The following CD44 variants were observed in gnomAD, a reference collection of about 807,000 sequenced individuals.
The protein encoded by CD44 is CD44 molecule (IN blood group), also known as CD44 antigen.
A neutral mutation model predicts 88.8 loss-of-function variants in CD44; 49 were observed. That is an observed-to-expected ratio of 0.55 (90% CI 0.44 to 0.70). The LOEUF (loss-of-function observed/expected upper bound fraction) is 0.70, where lower values mean the gene tolerates loss of function less well. Ranked by LOEUF, CD44 falls within the 30% of genes least tolerant of loss-of-function variation. The pLI is 0.00. For synonymous variants in CD44, 325 were observed against 312.3 expected, an observed-to-expected ratio of 1.04 and a Z score of -0.43; for missense variants, 883 against 913.8, an observed-to-expected ratio of 0.97 and a Z score of 0.43.
At chr11:35,228,714 G>A (rs886198045) in intron 17 of CD44, among the ~76,000 whole-genome samples, 3 of 152,044 alleles carry the variant, frequency 2.0e-5, no homozygotes, top group Non-Finnish European at 2.9e-5. Flanking sequence ...TAATAACACC[G>A]GCTTCCTGGA....
At chr11:35,219,157 A>G (rs1006370036) in intron 15 of CD44, 159 bp from the exon 16 acceptor site, 1 of 614,854 alleles carries the variant, frequency 1.6e-6, no homozygotes, top group Non-Finnish European at 2.9e-6. Context: ...GGTGGGGGGG[A>G]AATCTTTTGT....
rs1950098600 is a variant in CD44 at position 35,232,323 on chromosome 11, C to T, written c.*2990C>T. ...GATGGATCAATAATAATGAGGAAAG[C>T]ATGATATGTATATTGCTGAGTTGAA... is the stretch of plus-strand genomic sequence containing the variant. On this transcript the variant is annotated 3_prime_UTR_variant, in exon 18 of 18. Coordinates refer to ENST00000428726, the MANE Select transcript of CD44 (RefSeq NM_000610.4). 1 of 152,528 alleles carries T rather than the reference C, an allele frequency of 6.6e-6. No individual in the cohort carries two copies. Among genetic ancestry groups the T allele is most frequent in the Non-Finnish European group, 1.5e-5 (1 of 68,030 alleles). 9.4% of individuals were successfully genotyped at this position (152,528 alleles called of 1,614,324 possible). A position where few individuals can be genotyped will look rare whatever the true frequency, so the allele number is the denominator to read the frequency against.
intron 3 of CD44, among the ~76,000 whole-genome samples, chr11:35,184,745 G>A (rs1401693890): frequency 6.6e-6 from 1 of 152,118 alleles, no homozygotes; most frequent in African/African-American, 2.4e-5. Flanking sequence ...TTGAGTAGAT[G>A]CTTAAAAATA....
At chr11:35,196,205 G>A (rs1238564991) in intron 5 of CD44, among the ~76,000 whole-genome samples, 1 of 152,196 alleles carries the variant, frequency 6.6e-6, no homozygotes, top group East Asian at 1.9e-4. Flanking sequence ...TTCTTGCCAA[G>A]TGATCTTCCT....
rs146944420 is a variant in CD44, at chr11:35,216,906, A to G, written c.1873+1992A>G. Among the ~76,000 whole-genome samples, 22 of 152,328 alleles carry G rather than the reference A, an allele frequency of 1.4e-4. 1 individual carries two copies. The East Asian group carries it at 3.9e-3, about 27-fold the overall frequency. On this transcript the variant is annotated intron_variant, in intron 15 of 17. Transcript: ENST00000428726. ...TCCCACCCAGGTGGTTTATATGCACATTAAAATTTGGAAGCTTAGACTGTG... is the reference window on the plus strand; with the variant it reads ...TCCCACCCAGGTGGTTTATATGCACGTTAAAATTTGGAAGCTTAGACTGTG...
chr11:35,153,321 T>C (rs996158738), intron 1 of CD44, among the ~76,000 whole-genome samples: 1 of 152,138 alleles, frequency 6.6e-6, no homozygotes, highest in East Asian at 1.9e-4. Flanking sequence ...CAGTGGGAAA[T>C]GGCGTAGGTG....
At chr11:35,191,378 C>T (rs1946256526) in intron 5 of CD44, among the ~76,000 whole-genome samples, 1 of 152,174 alleles carries the variant, frequency 6.6e-6, no homozygotes, top group Admixed American at 6.5e-5. Context: ...TTTTAAAAAG[C>T]AGAGTTTTCA....
Position 35,159,154 on chromosome 11 carries a change from T to C in CD44, c.68-17421T>C, listed in dbSNP as rs139229112. Among the ~76,000 whole-genome samples the C allele has an allele frequency of 1.6e-3, 249 of 152,340 alleles. 1 individual carries two copies. Among genetic ancestry groups the C allele is most frequent in the African/African-American group, 5.9e-3 (245 of 41,572 alleles). On this transcript the variant is annotated intron_variant, in intron 1 of 17. Transcript: ENST00000428726. ...CCACTTCCTCCCTAGAAGCGCAAGCTTGGAATTTCTTGGTTGCCAATGAGG... is the reference window on the plus strand; with the variant it reads ...CCACTTCCTCCCTAGAAGCGCAAGCCTGGAATTTCTTGGTTGCCAATGAGG...
At chr11:35,147,559 T>A (rs1377155425) in intron 1 of CD44, among the ~76,000 whole-genome samples, 1 of 151,730 alleles carries the variant, frequency 6.6e-6, no homozygotes, top group African/African-American at 2.4e-5. Context: ...CAGGAAGGGA[T>A]GCAGGCCTTT....
At chr11:35,154,891 G>C (rs1941646729) in intron 1 of CD44, among the ~76,000 whole-genome samples, 1 of 152,072 alleles carries the variant, frequency 6.6e-6, no homozygotes, top group South Asian at 2.1e-4. Flanking sequence ...ATTCCAGGAA[G>C]TCAATGATAT....
At chr11:35,150,928 G>A (rs1860201227) in intron 1 of CD44, among the ~76,000 whole-genome samples, 1 of 152,230 alleles carries the variant, frequency 6.6e-6, no homozygotes, top group Non-Finnish European at 1.5e-5. Flanking sequence ...CAGAAATGAG[G>A]AAAGTGGAAG....
chr11:35,174,579 T>A (rs1307903490), intron 1 of CD44, among the ~76,000 whole-genome samples: 1 of 152,178 alleles, frequency 6.6e-6, no homozygotes, highest in Non-Finnish European at 1.5e-5. Context: ...TTTGAGATTG[T>A]TACACAGGAT....
In CD44 at chr11:35,226,880, CTTT is replaced by C. The variant is rs367551052; in HGVS notation, c.2025-2229_2025-2227del. The stretch of plus-strand genomic sequence containing the variant: ...AGCCCCTTTTCTTCTTTCTTTTTTC[CTTT>C]TTTTTTTTTTTTTTTTTTTGAGACG... On this transcript the variant is annotated intron_variant, in intron 17 of 17. Transcript: ENST00000428726. Among the ~76,000 whole-genome samples, 41 of 106,172 alleles carry C rather than the reference CTTT, an allele frequency of 3.9e-4. No individual in the cohort carries two copies. In the East Asian group the frequency reaches 4.1e-3, roughly 11 times the overall value. 69.7% of individuals were successfully genotyped at this position (106,172 alleles called of 152,430 possible). A position where few individuals can be genotyped will look rare whatever the true frequency, so the allele number is the denominator to read the frequency against.
intron 1 of CD44, among the ~76,000 whole-genome samples, chr11:35,159,788 G>A (rs1319453515): frequency 6.6e-6 from 1 of 152,222 alleles, no homozygotes; most frequent in African/African-American, 2.4e-5. Context: ...CTTTTATATG[G>A]TGGGGCTGGA....
Position 35,210,027 on chromosome 11 carries a change from C to A in CD44, c.1579C>A (p.Pro527Thr). ...HEGLEEDKDH[P>T]TTSTLTSSNR... Reference sequence around the variant, plus strand: ...AGGCTTGGAAGAAGATAAAGACCATCCAACAACTTCTACTCTGACATCAAG... The same window carrying A: ...AGGCTTGGAAGAAGATAAAGACCATACAACAACTTCTACTCTGACATCAAG... Residue 527 changes from proline to threonine, a missense_variant, in exon 13 of 18, where the codon CCA becomes ACA. By Grantham distance (38) the Pro-to-Thr change is conservative (BLOSUM62 -1). Transcript: ENST00000428726. 1 of 1,561,740 alleles carries A rather than the reference C, an allele frequency of 6.4e-7. No individual in the cohort carries two copies. The highest frequency in any genetic ancestry group is 8.6e-7 in the Non-Finnish European group (1 of 1,159,924).
intron 15 of CD44, among the ~76,000 whole-genome samples, chr11:35,215,466 TCC>T (rs1485588642): frequency 3.3e-5 from 5 of 152,224 alleles, no homozygotes; most frequent in Non-Finnish European, 7.3e-5. Context: ...TTTAGCATAA[TCC>T]TGGCACATGA....
intron 9 of CD44, among the ~76,000 whole-genome samples, chr11:35,202,986 C>G (rs1591239136): frequency 6.6e-6 from 1 of 152,088 alleles, no homozygotes; most frequent in Non-Finnish European, 1.5e-5. Flanking sequence ...AATAATGAGC[C>G]TATTGTCAAA....
intron 1 of CD44, among the ~76,000 whole-genome samples, chr11:35,142,991 G>A (rs1275214855): frequency 1.3e-5 from 2 of 152,078 alleles, no homozygotes; most frequent in East Asian, 1.9e-4. Flanking sequence ...TCTATCATGA[G>A]GACTGTGGGA....
intron 13 of CD44, chr11:35,210,501 G>T (rs954767242): frequency 6.6e-6 from 1 of 152,192 alleles, no homozygotes; most frequent in Non-Finnish European, 1.5e-5. Context: ...CTTGATTTCT[G>T]CATTAATTTC....
Sources: allele counts gnomAD v4.1 joint callset (sites outside exome capture counted in the v4.1 genomes callset), GRCh38; gene constraint gnomAD v4.1.1; transcripts MANE v1.5; gene names NCBI Gene and HGNC (gene_info 2026-07-23, HGNC 2026-07-21).